The following STON2 variants were observed in gnomAD, a reference collection of about 807,000 sequenced individuals.
The protein encoded by STON2 is stonin-2.
Under a neutral mutation model 65.7 loss-of-function variants are expected in STON2, and 29 were observed. The observed-to-expected ratio is 0.44, with a 90% CI of 0.33 to 0.60. The LOEUF (loss-of-function observed/expected upper bound fraction) is 0.60, where lower values mean the gene tolerates loss of function less well. Among genes scored for constraint, STON2 ranks in the 20% least tolerant of loss-of-function variants. STON2 has a pLI of 0.03. For missense variants in STON2, 1,054 were observed against 1,118.1 expected (o/e 0.94, Z 0.82); for synonymous variants, 404 against 414.2 (o/e 0.98, Z 0.30).
intron 5 of STON2, among the ~76,000 whole-genome samples, chr14:81,280,070 G>T (rs950759744): frequency 2.6e-5 from 4 of 152,152 alleles, no homozygotes. Flanking sequence ...CAGTATATCA[G>T]GAGAAAATGC....
At chr14:81,397,686 T>A (rs971435938) in intron 2 of STON2, among the ~76,000 whole-genome samples, 3 of 152,160 alleles carry the variant, frequency 2.0e-5, no homozygotes, top group African/African-American at 4.8e-5. Context: ...TTGACCTTCA[T>A]CCCTGAGCAC....
At chr14:81,392,652 ATAACT>A (rs777452576) in intron 3 of STON2, among the ~76,000 whole-genome samples, 7 of 152,210 alleles carry the variant, frequency 4.6e-5, no homozygotes, top group Non-Finnish European at 8.8e-5. Flanking sequence ...TAATTTTAAA[ATAACT>A]TTAATTTTTA....
intron 3 of STON2, among the ~76,000 whole-genome samples, chr14:81,394,739 C>T (rs1900233810): frequency 6.6e-6 from 1 of 152,118 alleles, no homozygotes; most frequent in African/African-American, 2.4e-5. Context: ...GGCCATATGC[C>T]AAGGAATGTT....
chr14:81,278,008 G>C lies in STON2; in HGVS notation c.1474C>G (p.Pro492Ala), dbSNP rs753213577. Residue 492 changes from proline to alanine, a missense_variant, in exon 6 of 8, where the codon CCT (proline) becomes GCT (alanine). Pro to Ala is a conservative substitution (Grantham distance 27). Coordinates refer to ENST00000614646, the MANE Select transcript of STON2 (RefSeq NM_001394390.1). ...RDGWPMMLRIPEKKNIMSSRH... is the reference protein window; with the variant it reads ...RDGWPMMLRIAEKKNIMSSRH... ...GAGGACATGATGTTTTTCTTCTCAG[G>C]GATCCTCAACATCATTGGCCACCCG... The C allele has an allele frequency of 6.2e-7, 1 of 1,614,120 alleles. No individual in the cohort carries two copies.
At chr14:81,341,389 C>A (rs1897601976) in intron 4 of STON2, among the ~76,000 whole-genome samples, 1 of 148,336 alleles carries the variant, frequency 6.7e-6, no homozygotes, top group Non-Finnish European at 1.5e-5. Context: ...ACACATTTTG[C>A]AAAATAAAAA....
rs1311497397 is a variant in STON2 at position 81,278,075 on chromosome 14, T to A, written c.1407A>T (p.Leu469=). 6.2e-7 allele frequency: 1 copy of A among 1,614,196 alleles called. No homozygotes were observed. The highest frequency in any genetic ancestry group is 2.2e-5 in the East Asian group (1 of 44,874). The change falls in exon 6 of 8, where the codon CTA becomes CTT. Residue 469 remains leucine, a synonymous_variant. Transcript: ENST00000614646. ...PDDDPVAWIE[L]DAHPPGSARS... is the part of the protein sequence containing the mutation. ...GTGCTGATCCAGGCGGGTGAGCATC[T>A]AGTTCAATCCAGGCTACTGGGTCAT...
At chr14:81,357,617 A>T (rs953299367) in intron 4 of STON2, among the ~76,000 whole-genome samples, 6 of 152,118 alleles carry the variant, frequency 3.9e-5, no homozygotes, top group Non-Finnish European at 7.3e-5. Flanking sequence ...TTATTGTGGC[A>T]CTATTCACTT....
At chr14:81,357,812 C>T (rs8011624) in intron 4 of STON2, among the ~76,000 whole-genome samples, 48,492 of 148,432 alleles carry the variant, frequency 0.33, 8,074 homozygotes, top group South Asian at 0.45. Flanking sequence ...ACCGCATATT[C>T]TCACTTATAG....
chr14:81,432,447 G>T (rs549445896), intron 1 of STON2, among the ~76,000 whole-genome samples: 1 of 152,314 alleles, frequency 6.6e-6, no homozygotes, highest in Admixed American at 6.5e-5. Context: ...GTTTAATTAT[G>T]ATGGTGACCT....
intron 7 of STON2, chr14:81,269,786 T>C (rs1894499442): frequency 2.0e-6 from 2 of 985,466 alleles, no homozygotes; most frequent in Non-Finnish European, 2.4e-6. Flanking sequence ...TAATCTCCTA[T>C]TGAATTTCTA....
At chr14:81,386,514 T>C (rs948610507) in intron 3 of STON2, among the ~76,000 whole-genome samples, 2 of 152,202 alleles carry the variant, frequency 1.3e-5, no homozygotes, top group East Asian at 1.9e-4. Flanking sequence ...AAATAATTAG[T>C]TTCCCCAGAC....
At chr14:81,386,427 G>C (rs1899808966) in intron 3 of STON2, among the ~76,000 whole-genome samples, 2 of 151,818 alleles carry the variant, frequency 1.3e-5, no homozygotes, top group Admixed American at 1.3e-4. Flanking sequence ...CCTCTCAGCT[G>C]TCACCCCTGC....
chr14:81,340,585 T>G (rs1595371273), intron 4 of STON2, among the ~76,000 whole-genome samples: 1 of 152,198 alleles, frequency 6.6e-6, no homozygotes, highest in South Asian at 2.1e-4. Flanking sequence ...GACCACATTT[T>G]CCAGCCCCGC....
chr14:81,378,513 G>A (rs1899359570), intron 3 of STON2, among the ~76,000 whole-genome samples: 1 of 152,166 alleles, frequency 6.6e-6, no homozygotes, highest in African/African-American at 2.4e-5. Flanking sequence ...ACTGTGCCTG[G>A]CCTGATACTA....
chr14:81,400,159 T>C (rs1001395675), intron 1 of STON2, among the ~76,000 whole-genome samples, 120 bp downstream of exon 1: 2 of 152,114 alleles, frequency 1.3e-5, no homozygotes, highest in African/African-American at 4.8e-5. Context: ...CCAAGCTGTA[T>C]AAAGGATGGG....
chr14:81,297,469 G>C (rs570650625), intron 5 of STON2, among the ~76,000 whole-genome samples: 1 of 152,270 alleles, frequency 6.6e-6, no homozygotes, highest in South Asian at 2.1e-4. Flanking sequence ...TGTTAGAACT[G>C]TCCAATCTTG....
At position 81,277,420 on chromosome 14, in the gene STON2, T is replaced by C; in HGVS notation, c.2062A>G (p.Ile688Val). ...CACTTTGTGGTGGTGGTGGGCATGA[T>C]GTCCTGCCTCAAAACTATTTCATTC... is the stretch of plus-strand genomic sequence containing the variant. ...KGNEIVLRQD[I>V]MPTTTTKWIK... is the part of the protein sequence containing the mutation. The change falls in exon 6 of 8, where the codon ATC becomes GTC. Residue 688 changes from isoleucine (I) to valine (V), a missense_variant. Physicochemically the swap from Ile to Val is conservative, Grantham distance 29. Transcript: ENST00000614646. 6.2e-7 allele frequency: 1 copy of C among 1,614,174 alleles called. No homozygotes were observed. Among genetic ancestry groups the C allele is most frequent in the Admixed American group, 1.7e-5 (1 of 60,026 alleles).
At chr14:81,286,008 C>T (rs965368963) in intron 5 of STON2, among the ~76,000 whole-genome samples, 1 of 148,014 alleles carries the variant, frequency 6.8e-6, no homozygotes. Flanking sequence ...ATTAGCTGGG[C>T]ATGGTGGCGG....
chr14:81,340,814 TGGACAA>T (rs1360512138), intron 4 of STON2, among the ~76,000 whole-genome samples: 1 of 152,086 alleles, frequency 6.6e-6, no homozygotes, highest in Non-Finnish European at 1.5e-5. Flanking sequence ...GTTAGCCTCC[TGGACAA>T]GGACATTATA....
Sources: allele counts gnomAD v4.1 joint callset (sites outside exome capture counted in the v4.1 genomes callset), GRCh38; gene constraint gnomAD v4.1.1; transcripts MANE v1.5; gene names NCBI Gene and HGNC (gene_info 2026-07-23, HGNC 2026-07-21).